Variants in GNAL observed in about 807,000 individuals in gnomAD.
GNAL encodes guanine nucleotide-binding protein G(olf) subunit alpha.
Under a neutral mutation model 55.1 loss-of-function variants are expected in GNAL, and 18 were observed. The ratio of observed to expected loss-of-function variants is 0.33; its 90% CI spans 0.23 to 0.48. The LOEUF (loss-of-function observed/expected upper bound fraction) is 0.48, where lower values mean the gene tolerates loss of function less well. GNAL is among the 20% of genes least tolerant of loss of function. The pLI is 0.99. For missense variants in GNAL, 412 were observed against 614.1 expected (o/e 0.67, Z 3.48); for synonymous variants, 253 against 237.0 (o/e 1.07, Z -0.62).
At chr18:11,786,430 C>T (rs183290214) in intron 4 of GNAL, among the ~76,000 whole-genome samples, 39 of 106,660 alleles carry the variant, frequency 3.7e-4, no homozygotes, top group African/African-American at 1.3e-3. Flanking sequence ...GATCTTCATA[C>T]GTTTTCTTTT....
At chr18:11,867,981 CG>C (rs1184931083) in intron 8 of GNAL, among the ~76,000 whole-genome samples, 1 of 151,762 alleles carries the variant, frequency 6.6e-6, no homozygotes, top group African/African-American at 2.4e-5. Flanking sequence ...AAAAATTAGC[CG>C]GGTGTTATGG....
At chr18:11,690,160 G>T (rs1431075385) in intron 1 of GNAL, among the ~76,000 whole-genome samples, 1 of 152,198 alleles carries the variant, frequency 6.6e-6, no homozygotes. Flanking sequence ...AGGACACTAC[G>T]GGCTGATTCT....
rs1598460124 is a variant in GNAL at position 11,789,596 on chromosome 18, C to T, written c.625-35322C>T. Among the ~76,000 whole-genome samples the T allele has an allele frequency of 2.0e-5, 3 of 152,228 alleles. No homozygotes were observed. In the East Asian group the frequency reaches 5.8e-4, roughly 29 times the overall value. On this transcript the variant is annotated intron_variant, in intron 4 of 11. Coordinates refer to ENST00000334049, the MANE Select transcript of GNAL (RefSeq NM_182978.4). ...CCCACGGATCCAACAATCCAGTTAT[C>T]ATTGTATAGATTATAAGCATAAACA...
At chr18:11,745,816 A>G in intron 1 of GNAL, 1 of 173,330 alleles carries the variant, frequency 5.8e-6, no homozygotes, top group South Asian at 1.4e-4. Context: ...TACAATAGTG[A>G]AAGCTACAAC....
At chr18:11,803,027 A>G (rs2034559703) in intron 4 of GNAL, among the ~76,000 whole-genome samples, 1 of 152,226 alleles carries the variant, frequency 6.6e-6, no homozygotes, top group African/African-American at 2.4e-5. Flanking sequence ...GATGGAAAGT[A>G]CTGGATTGTT....
rs2036419125 is a variant in GNAL at position 11,872,453 on chromosome 18, G to A, written c.1162+55G>A. The stretch of plus-strand genomic sequence containing the variant: ...GAGGAATAGAATTGTTTTATTAATA[G>A]TCCTGTAACTCTAATTCACATACCT... On this transcript the variant is annotated intron_variant, in intron 10 of 11. Transcript: ENST00000334049. 8.9e-6 allele frequency: 10 copies of A among 1,121,986 alleles called. No individual in the cohort carries two copies. The East Asian group carries it at 2.0e-4, about 23-fold the overall frequency. 69.5% of individuals were successfully genotyped at this position (1,121,986 alleles called of 1,614,324 possible). A position where few individuals can be genotyped will look rare whatever the true frequency, so the allele number is the denominator to read the frequency against.
At chr18:11,814,885 T>G (rs1598483118) in intron 4 of GNAL, among the ~76,000 whole-genome samples, 2 of 134,106 alleles carry the variant, frequency 1.5e-5, no homozygotes, top group African/African-American at 2.8e-5. Context: ...GCAATAAGAG[T>G]GAAACTCCAT....
intron 6 of GNAL, among the ~76,000 whole-genome samples, chr18:11,862,868 A>G (rs1340927976): frequency 2.1e-5 from 3 of 142,922 alleles, no homozygotes; most frequent in African/African-American, 5.1e-5. Flanking sequence ...GTCAAAAAAA[A>G]AGCACTCCAC....
At chr18:11,849,322 C>T (rs959284658) in intron 5 of GNAL, among the ~76,000 whole-genome samples, 9 of 152,152 alleles carry the variant, frequency 5.9e-5, no homozygotes, top group African/African-American at 2.2e-4. Context: ...ACCAACATGG[C>T]GAAACCCCAG....
intron 4 of GNAL, among the ~76,000 whole-genome samples, chr18:11,780,416 T>C (rs2033896647): frequency 6.6e-6 from 1 of 152,168 alleles, no homozygotes; most frequent in South Asian, 2.1e-4. Context: ...TGTTAAGACA[T>C]GCCAACTCTC....
intron 7 of GNAL, among the ~76,000 whole-genome samples, chr18:11,865,101 CT>C (rs1369972633): frequency 1.4e-5 from 2 of 139,802 alleles, no homozygotes; most frequent in East Asian, 1.9e-4. Context: ...TCCCCCGCCC[CT>C]AGACTCTCTC....
chr18:11,873,280 G>A (rs2848470), intron 10 of GNAL, among the ~76,000 whole-genome samples: 2 of 152,154 alleles, frequency 1.3e-5, no homozygotes, highest in Non-Finnish European at 2.9e-5. Flanking sequence ...ACTTGCATTT[G>A]TCATTAAACT....
chr18:11,703,485 T>C (rs961695992), intron 1 of GNAL, among the ~76,000 whole-genome samples: 3 of 152,214 alleles, frequency 2.0e-5, no homozygotes, highest in Non-Finnish European at 4.4e-5. Context: ...GTAGTGCCAA[T>C]TAAGAAACAG....
At chr18:11,795,683 C>T (rs1158187544) in intron 4 of GNAL, among the ~76,000 whole-genome samples, 3 of 152,136 alleles carry the variant, frequency 2.0e-5, no homozygotes, top group Non-Finnish European at 4.4e-5. Context: ...CTGTGTGAGG[C>T]GTCAGTCTGT....
chr18:11,734,119 A>G lies in GNAL; in HGVS notation c.377-18734A>G, dbSNP rs547415704. ...TTCTCGATGGAACTGGGGGTTAGGG[A>G]AGAGCAATAAGCTTTTCTTTTTCTT... On this transcript the variant is annotated intron_variant, in intron 1 of 11. Coordinates refer to ENST00000334049, the MANE Select transcript of GNAL (RefSeq NM_182978.4). 5.3e-5 allele frequency among the ~76,000 whole-genome samples: 8 copies of G among 151,482 alleles called. No homozygotes were observed. In the East Asian group the frequency reaches 1.5e-3, roughly 29 times the overall value.
intron 5 of GNAL, chr18:11,853,633 G>A (rs1397902508): frequency 6.0e-6 from 1 of 166,992 alleles, no homozygotes; most frequent in African/African-American, 2.4e-5. Context: ...GAAAAAAAAA[G>A]TGTAACAGGT....
chr18:11,862,417 G>A lies in GNAL; in HGVS notation c.745G>A (p.Val249Ile), dbSNP rs773047497. 43 of 1,613,566 alleles carry A rather than the reference G, an allele frequency of 2.7e-5. No individual in the cohort carries two copies. The highest frequency in any genetic ancestry group is 1.1e-4 in the East Asian group (5 of 44,890). Residue 249 changes from valine to isoleucine, a missense_variant, in exon 6 of 12, where the codon GTC becomes ATC. Physicochemically the swap from Val to Ile is conservative, Grantham distance 29. Around this residue, in one of 5 missense-constraint regions of GNAL, gnomAD observed 53 missense variants for 182.7 expected, o/e 0.29. Coordinates refer to ENST00000334049, the MANE Select transcript of GNAL (RefSeq NM_182978.4). ...AQYFLERIDS[V>I]SLVDYTPTDQ... ...CAGCTTCCTGGAAAGAATCGACAGC[G>A]TCAGCTTGGTTGACTACACACCCAC...
At chr18:11,741,413 TA>T (rs774040453) in intron 1 of GNAL, among the ~76,000 whole-genome samples, 2 of 152,156 alleles carry the variant, frequency 1.3e-5, no homozygotes, top group South Asian at 4.1e-4. Flanking sequence ...TAAATTTCTC[TA>T]AAAAAAATGA....
At chr18:11,832,877 TA>T (rs2035417475) in intron 5 of GNAL, among the ~76,000 whole-genome samples, 1 of 151,816 alleles carries the variant, frequency 6.6e-6, no homozygotes, top group Non-Finnish European at 1.5e-5. Flanking sequence ...AATAAATAAA[TA>T]AATAAAAATT....
Sources: allele counts gnomAD v4.1 joint callset (sites outside exome capture counted in the v4.1 genomes callset), GRCh38; gene constraint gnomAD v4.1.1; regional missense constraint gnomAD v4.1.1; transcripts MANE v1.5; gene names NCBI Gene and HGNC (gene_info 2026-07-23, HGNC 2026-07-21).